VPS13B: variants seen among roughly 807,000 people sequenced by gnomAD.
VPS13B encodes intermembrane lipid transfer protein VPS13B.
Under a neutral mutation model 426.4 loss-of-function variants are expected in VPS13B, and 285 were observed. The observed-to-expected ratio is 0.67, with a 90% CI of 0.61 to 0.74. The LOEUF (loss-of-function observed/expected upper bound fraction) is 0.74. Among genes scored for constraint, VPS13B ranks in the 30% least tolerant of loss-of-function variants. The pLI, the probability that VPS13B is intolerant of heterozygous loss-of-function variation, is 0.00. For synonymous variants in VPS13B, 1,676 were observed against 1,676.4 expected (o/e 1.00, Z 0.01); for missense variants, 4,537 against 4,782.6 (o/e 0.95, Z 1.51).
At chr8:99,094,186 T>C (rs1349617886) in intron 3 of VPS13B, 1 of 152,202 alleles carries the variant, frequency 6.6e-6, no homozygotes, top group Non-Finnish European at 1.5e-5. Flanking sequence ...ATAATTATGC[T>C]AGTTTTGGCA....
chr8:99,138,088 A>G (rs950893719), intron 12 of VPS13B, among the ~76,000 whole-genome samples: 3 of 152,094 alleles, frequency 2.0e-5, no homozygotes, highest in Non-Finnish European at 2.9e-5. Flanking sequence ...CTGTTACCAT[A>G]TGGACTAGCA....
At chr8:99,482,100 GA>G (rs1820067488) in intron 25 of VPS13B, among the ~76,000 whole-genome samples, 1 of 152,036 alleles carries the variant, frequency 6.6e-6, no homozygotes, top group African/African-American at 2.4e-5. Flanking sequence ...GAAACTGAGT[GA>G]AAAAGAGACT....
At chr8:99,469,264 G>C (rs896019165) in intron 24 of VPS13B, among the ~76,000 whole-genome samples, 1 of 150,346 alleles carries the variant, frequency 6.7e-6, no homozygotes, top group Admixed American at 6.6e-5. Context: ...AAACTCCTAG[G>C]TTCAAGCAGT....
At chr8:99,154,161 T>G (rs549984004) in intron 14 of VPS13B, among the ~76,000 whole-genome samples, 9 of 145,786 alleles carry the variant, frequency 6.2e-5, no homozygotes, top group South Asian at 4.2e-4. Flanking sequence ...TTTTTTTTGT[T>G]TTTTTTTTTG....
chr8:99,288,137 A>G (rs140976238), intron 19 of VPS13B, among the ~76,000 whole-genome samples: 56 of 152,234 alleles, frequency 3.7e-4, no homozygotes, highest in African/African-American at 1.3e-3. Flanking sequence ...GAAAATGTTC[A>G]TATTAAAAGC....
intron 3 of VPS13B, among the ~76,000 whole-genome samples, chr8:99,069,097 A>G (rs1363911065): frequency 6.6e-6 from 1 of 152,204 alleles, no homozygotes; most frequent in East Asian, 1.9e-4. Context: ...GGTAATTGCT[A>G]AAATTTGATA....
rs776524308 is a variant in VPS13B, at chr8:99,103,130, T to C, written c.580+10T>C. 1.2e-6 allele frequency: 2 copies of C among 1,613,590 alleles called. No individual in the cohort carries two copies. The highest frequency in any genetic ancestry group is 3.3e-5 in the Admixed American group (2 of 60,020). On this transcript the variant is annotated intron_variant, in intron 5 of 61. Coordinates refer to ENST00000357162, the MANE Select transcript of VPS13B (RefSeq NM_152564.5). ...TTCATGGATATTTCTGGTGAGTAAA[T>C]ATGGAGAATACCGTATATTTTTCCA...
rs948120041 is a variant in VPS13B at position 99,875,861 on chromosome 8, A to AT, written c.*202dup. ...GCATTTTGCCACCATAAAGGGCTGC[A>AT]TTTTTTTAAAAAGCCTAGGCAGCTC... On this transcript the variant is annotated 3_prime_UTR_variant, in exon 62 of 62. Coordinates refer to ENST00000357162, the MANE Select transcript of VPS13B (RefSeq NM_152564.5). The AT allele has an allele frequency of 4.4e-5, 29 of 663,484 alleles. 1 individual carries two copies. In the Middle Eastern group the frequency reaches 1.2e-3, roughly 28 times the overall value. The allele number at this position is 663,484 out of a possible 1,614,324, so 41.1% of individuals were successfully genotyped here.
chr8:99,838,001 G>C (rs146387533), intron 54 of VPS13B, among the ~76,000 whole-genome samples: 2 of 152,292 alleles, frequency 1.3e-5, no homozygotes, highest in East Asian at 3.9e-4. Flanking sequence ...AGATAGTCTC[G>C]TGTTGTAGAA....
intron 3 of VPS13B, among the ~76,000 whole-genome samples, chr8:99,044,478 A>C (rs1015642589): frequency 2.0e-5 from 3 of 151,016 alleles, no homozygotes; most frequent in South Asian, 2.1e-4. Context: ...CAACCATTTT[A>C]TTTTTGTTTA....
intron 17 of VPS13B, among the ~76,000 whole-genome samples, chr8:99,250,805 G>C (rs1037314748): frequency 6.8e-6 from 1 of 147,416 alleles, no homozygotes; most frequent in African/African-American, 2.5e-5. Flanking sequence ...CCACCTCAGA[G>C]CCTCCAGAGT....
chr8:99,752,445 C>T (rs541351731), intron 39 of VPS13B, among the ~76,000 whole-genome samples: 2 of 152,256 alleles, frequency 1.3e-5, no homozygotes, highest in African/African-American at 2.4e-5. Flanking sequence ...CACATATGCT[C>T]ATTTACATAT....
intron 57 of VPS13B, among the ~76,000 whole-genome samples, chr8:99,860,464 T>A (rs934836004): frequency 1.3e-5 from 2 of 152,274 alleles, no homozygotes; most frequent in African/African-American, 4.8e-5. Flanking sequence ...GTTGTTTTTA[T>A]GTTAAAATAA....
At chr8:99,146,242 T>G (rs139411881) in intron 13 of VPS13B, among the ~76,000 whole-genome samples, 5 of 152,342 alleles carry the variant, frequency 3.3e-5, no homozygotes, top group African/African-American at 1.2e-4. Flanking sequence ...GAGGTTTAGA[T>G]AGGGGTTTAT....
intron 19 of VPS13B, among the ~76,000 whole-genome samples, chr8:99,326,053 A>G (rs1810240482): frequency 6.6e-6 from 1 of 152,162 alleles, no homozygotes; most frequent in African/African-American, 2.4e-5. Context: ...TTGAAAACAA[A>G]AATTATTTCT....
chr8:99,385,324 A>G (rs568180690), intron 20 of VPS13B, among the ~76,000 whole-genome samples: 1 of 152,242 alleles, frequency 6.6e-6, no homozygotes, highest in Non-Finnish European at 1.5e-5. Flanking sequence ...CAACTTAAGT[A>G]TAATTTTGCA....
chr8:99,063,338 G>A (rs2132306113), intron 3 of VPS13B, among the ~76,000 whole-genome samples: 1 of 152,320 alleles, frequency 6.6e-6, no homozygotes, highest in East Asian at 1.9e-4. Context: ...GTGACAGACG[G>A]TACCTGGAAA....
Position 99,702,832 on chromosome 8 carries a change from C to T in VPS13B, c.6454+2900C>T, listed in dbSNP as rs918130700. 5.3e-5 allele frequency among the ~76,000 whole-genome samples: 8 copies of T among 152,130 alleles called. No homozygotes were observed. The East Asian group carries it at 5.8e-4, about 11-fold the overall frequency. ...ACAATGTTATATAAACAGGGTAAAA[C>T]GGTCCTTTCCAGATGAGTTTTAATT... On this transcript the variant is annotated intron_variant, in intron 36 of 61. Transcript: ENST00000357162.
intron 35 of VPS13B, chr8:99,696,553 T>C: frequency 2.0e-6 from 1 of 503,886 alleles, no homozygotes; most frequent in Middle Eastern, 3.0e-4. Context: ...ACCATGAAGC[T>C]CTTCCCCAGC....
Sources: gnomAD v4.1 joint callset for allele counts (sites outside exome capture counted in the v4.1 genomes callset) on GRCh38, gnomAD v4.1.1 for gene constraint, MANE v1.5 for transcripts, NCBI Gene and HGNC (gene_info 2026-07-23, HGNC 2026-07-21) for gene names.